PLEKHG1: variants seen among roughly 807,000 people sequenced by gnomAD.
PLEKHG1 encodes the protein pleckstrin homology domain-containing family G member 1.
Under a neutral mutation model 100.8 loss-of-function variants are expected in PLEKHG1, and 44 were observed. The ratio of observed to expected loss-of-function variants is 0.44; its 90% confidence interval spans 0.34 to 0.56. The LOEUF (loss-of-function observed/expected upper bound fraction) is 0.56, where lower values mean the gene tolerates loss of function less well. Among genes scored for constraint, PLEKHG1 ranks in the 20% least tolerant of loss-of-function variants. The pLI, the probability that PLEKHG1 is intolerant of heterozygous loss-of-function variation, is 0.01. For missense variants in PLEKHG1, 1,545 were observed against 1,720.9 expected (o/e 0.90, Z 1.81); for synonymous variants, 640 against 662.5 (o/e 0.97, Z 0.52).
intron 1 of PLEKHG1, among the ~76,000 whole-genome samples, chr6:150,728,340 T>G (rs1782062582): frequency 6.6e-6 from 1 of 152,222 alleles, no homozygotes; most frequent in Non-Finnish European, 1.5e-5. Flanking sequence ...ACACCTATAA[T>G]CTCAGCACTT....
In PLEKHG1 at chr6:150,758,134, T is replaced by C. The variant is rs145269890; in HGVS notation, c.412-10504T>C. 4.3e-4 allele frequency among the ~76,000 whole-genome samples: 66 copies of C among 152,322 alleles called. No homozygotes were observed. In the East Asian group the frequency reaches 0.01, roughly 23 times the overall value. ...TTTGCTATTGTGAATAGCGCTGCAT[T>C]GAACATACGCACACATGTATCTTTA... On this transcript the variant is annotated intron_variant, in intron 2 of 15. Transcript: ENST00000358517.
intron 9 of PLEKHG1, 58 bp downstream of exon 10, chr6:150,809,534 GT>G (rs1787362732): frequency 2.0e-6 from 3 of 1,513,054 alleles, no homozygotes; most frequent in Admixed American, 1.7e-5. Context: ...TGAGTGCTGT[GT>G]ACCATGTGGC....
At chr6:150,637,563 C>G (rs1778058090) in intron 1 of PLEKHG1, among the ~76,000 whole-genome samples, 1 of 151,948 alleles carries the variant, frequency 6.6e-6, no homozygotes, top group Non-Finnish European at 1.5e-5. Context: ...TTATTTCAGT[C>G]TAGATTCAAA....
chr6:150,752,230 T>G (rs1783563627), intron 2 of PLEKHG1, among the ~76,000 whole-genome samples: 1 of 152,206 alleles, frequency 6.6e-6, no homozygotes, highest in African/African-American at 2.4e-5. Flanking sequence ...CTGGCCTTCA[T>G]AAAACAGTAA....
intron 1 of PLEKHG1, chr6:150,624,632 G>C (rs1232988389): frequency 6.6e-6 from 1 of 152,180 alleles, no homozygotes; most frequent in East Asian, 1.9e-4. Context: ...TAAGGAATGA[G>C]AGGGACATTT....
At chr6:150,677,283 T>TACGCACACACACACACACAC (rs756621195) in intron 3 of PLEKHG1, among the ~76,000 whole-genome samples, 53 of 134,262 alleles carry the variant, frequency 3.9e-4, no homozygotes, top group African/African-American at 1.2e-3. Flanking sequence ...TTTCTTCCCC[T>TACGCACACACACACACACAC]ATACACACAC....
intron 2 of PLEKHG1, among the ~76,000 whole-genome samples, chr6:150,752,059 A>C (rs1047144284): frequency 3.3e-5 from 5 of 152,062 alleles, no homozygotes; most frequent in Admixed American, 3.3e-4. Context: ...GGTGGAAGGC[A>C]CCAGTAATCC....
At chr6:150,601,179 TAAC>T (rs1776345782) in intron 1 of PLEKHG1, among the ~76,000 whole-genome samples, 1 of 152,204 alleles carries the variant, frequency 6.6e-6, no homozygotes, top group African/African-American at 2.4e-5. Flanking sequence ...TGCGGTACAA[TAAC>T]AACCAGGTGT....
chr6:150,835,584 C>T (rs1303033793), intron 15 of PLEKHG1, among the ~76,000 whole-genome samples: 1 of 152,140 alleles, frequency 6.6e-6, no homozygotes, highest in Non-Finnish European at 1.5e-5. Context: ...ATATTCTATA[C>T]AACTGTTAAT....
chr6:150,840,898 G>A (rs761250129), exon 16 of PLEKHG1: 11 of 1,595,538 alleles, frequency 6.9e-6, no homozygotes, highest in Non-Finnish European at 8.6e-6. Flanking sequence ...TTTGCTTAAG[G>A]TTCTTCATAA....
At chr6:150,605,481 TGTA>T (rs1481314119) in intron 1 of PLEKHG1, 1 of 152,218 alleles carries the variant, frequency 6.6e-6, no homozygotes, top group African/African-American at 2.4e-5. Flanking sequence ...GAGTCTGACA[TGTA>T]GTAATTGCTC....
chr6:150,612,582 C>T (rs1054422118), intron 1 of PLEKHG1, among the ~76,000 whole-genome samples: 1 of 152,304 alleles, frequency 6.6e-6, no homozygotes, highest in Admixed American at 6.5e-5. Flanking sequence ...ATTCACCCGC[C>T]TCAACTTCCC....
intron 3 of PLEKHG1, among the ~76,000 whole-genome samples, chr6:150,678,040 G>T: frequency 8.7e-6 from 1 of 115,056 alleles, no homozygotes; most frequent in South Asian, 3.1e-4. Flanking sequence ...TATATTTATG[G>T]GATACAATGT....
At chr6:150,694,953 C>T (rs1780488627) in intron 3 of PLEKHG1, among the ~76,000 whole-genome samples, 1 of 152,026 alleles carries the variant, frequency 6.6e-6, no homozygotes, top group Admixed American at 6.6e-5. Context: ...ATAAACATTC[C>T]CCCTGGAAAA....
intron 3 of PLEKHG1, among the ~76,000 whole-genome samples, chr6:150,652,538 T>G (rs1357465034): frequency 6.6e-6 from 1 of 151,850 alleles, no homozygotes; most frequent in Non-Finnish European, 1.5e-5. Flanking sequence ...CTGGCCAACA[T>G]AGTGAAACCC....
chr6:150,810,566 A>G (rs1787465672), intron 10 of PLEKHG1, among the ~76,000 whole-genome samples: 3 of 150,720 alleles, frequency 2.0e-5, no homozygotes, highest in Non-Finnish European at 3.0e-5. Flanking sequence ...AAAGAAAGAA[A>G]ATTGAGAGAT....
chr6:150,722,913 A>G (rs1781773346), intron 1 of PLEKHG1, among the ~76,000 whole-genome samples: 1 of 152,248 alleles, frequency 6.6e-6, no homozygotes, highest in Admixed American at 6.5e-5. Flanking sequence ...ACAGGAAGGT[A>G]CTGTTCAAAG....
intron 4 of PLEKHG1, among the ~76,000 whole-genome samples, chr6:150,790,833 C>T (rs902488786): frequency 7.9e-5 from 12 of 151,876 alleles, no homozygotes; most frequent in African/African-American, 2.9e-4. Flanking sequence ...ATCAGCTTGA[C>T]CAACGTGATG....
chr6:150,766,746 T>C (rs112779306), intron 2 of PLEKHG1, among the ~76,000 whole-genome samples: 2 of 152,344 alleles, frequency 1.3e-5, no homozygotes, highest in African/African-American at 4.8e-5. Context: ...CAGATGAAAT[T>C]CTTTAAGCCC....
Sources: gnomAD v4.1 joint callset for allele counts (sites outside exome capture counted in the v4.1 genomes callset) on GRCh38, gnomAD v4.1.1 for gene constraint, MANE v1.5 for transcripts, NCBI Gene and HGNC (gene_info 2026-07-23, HGNC 2026-07-21) for gene names.